Variants in RALYL observed in about 807,000 individuals in gnomAD.
RALYL encodes the protein RNA-binding Raly-like protein.
A neutral mutation model predicts 35.1 loss-of-function variants in RALYL; 29 were observed. That is an observed-to-expected ratio of 0.83 (90% CI 0.61 to 1.13). The LOEUF (loss-of-function observed/expected upper bound fraction) is 1.13, where lower values mean the gene tolerates loss of function less well. RALYL is among the 50% of genes most tolerant of loss of function. The pLI is 0.00. For missense variants in RALYL, 359 were observed against 360.4 expected, an observed-to-expected ratio of 1.00 and a Z score of 0.03; for synonymous variants, 120 against 127.6, an observed-to-expected ratio of 0.94 and a Z score of 0.40.
intron 3 of RALYL, among the ~76,000 whole-genome samples, chr8:84,779,187 C>T (rs1240000521): frequency 1.3e-5 from 2 of 152,168 alleles, no homozygotes. Flanking sequence ...ATATCTGTGG[C>T]ACTCTAAAAT....
At position 84,911,078 on chromosome 8, in the gene RALYL, A is replaced by T. The variant is rs1268535159; in HGVS notation, c.859-9816A>T. Among the ~76,000 whole-genome samples, 3 of 152,180 alleles carry T rather than the reference A, an allele frequency of 2.0e-5. No homozygotes were observed. The East Asian group carries it at 5.8e-4, about 29-fold the overall frequency. On this transcript the variant is annotated intron_variant, in intron 8 of 8. Coordinates refer to ENST00000521268, the MANE Select transcript of RALYL (RefSeq NM_173848.7). ...TATATTAGATTGAAAAATTTAGCCA[A>T]AAAGAATGACGTGAGCAAGATGGCA...
chr8:84,462,910 T>G (rs982157225), intron 1 of RALYL, among the ~76,000 whole-genome samples: 1 of 151,900 alleles, frequency 6.6e-6, no homozygotes, highest in Non-Finnish European at 1.5e-5. Flanking sequence ...AACCCACCTT[T>G]GTTTTGTATA....
intron 2 of RALYL, among the ~76,000 whole-genome samples, chr8:84,689,426 C>A (rs966318421): frequency 3.3e-5 from 5 of 152,208 alleles, no homozygotes; most frequent in African/African-American, 1.2e-4. Context: ...TTTATGGCTG[C>A]ATAGTATTCC....
intron 2 of RALYL, among the ~76,000 whole-genome samples, chr8:84,653,966 G>A (rs559786851): frequency 2.5e-4 from 38 of 150,556 alleles, no homozygotes; most frequent in African/African-American, 8.0e-4. Context: ...TCTGTCTGCC[G>A]CTCTGAAAGG....
intron 1 of RALYL, among the ~76,000 whole-genome samples, chr8:84,338,420 A>G (rs541637529): frequency 6.3e-4 from 95 of 151,900 alleles, no homozygotes; most frequent in African/African-American, 2.1e-3. Context: ...CAGGAAGTAT[A>G]TTTTAACAAA....
At chr8:84,234,627 C>T (rs746774059) in intron 1 of RALYL, among the ~76,000 whole-genome samples, 32 of 152,144 alleles carry the variant, frequency 2.1e-4, no homozygotes, top group Admixed American at 1.3e-4. Flanking sequence ...AGCTATTTTC[C>T]TTCATCGGAA....
chr8:84,529,251 G>T, intron 1 of RALYL, 48 bp from the exon 2 acceptor site: 1 of 1,538,772 alleles, frequency 6.5e-7, no homozygotes, highest in Non-Finnish European at 8.8e-7. Context: ...TCGATCTAAT[G>T]ATTTACCTTT....
At chr8:84,538,532 G>A (rs711057) in intron 2 of RALYL, among the ~76,000 whole-genome samples, 138,328 of 152,110 alleles carry the variant, frequency 0.91, 62,959 homozygotes, top group East Asian at 1. Flanking sequence ...CAACATATAT[G>A]TTAAATTCTA....
chr8:84,768,820 A>C (rs1232294066), intron 2 of RALYL, among the ~76,000 whole-genome samples: 5 of 152,368 alleles, frequency 3.3e-5, no homozygotes, highest in Non-Finnish European at 7.3e-5. Context: ...ATTGTATATA[A>C]GTGGCAAAGT....
chr8:84,446,190 C>T (rs2048833319), intron 1 of RALYL, among the ~76,000 whole-genome samples: 1 of 151,926 alleles, frequency 6.6e-6, no homozygotes, highest in African/African-American at 2.4e-5. Context: ...CTGTTTTTCT[C>T]TGCAAACTAT....
chr8:84,399,550 T>C lies in RALYL; in HGVS notation c.-23-129749T>C, dbSNP rs570002329. Reference sequence around the variant, plus strand: ...CAACCAATAATTTATTTGTGGGCTATATTCAGGTTTCAGCCCTCTGGTTTT... The same window carrying C: ...CAACCAATAATTTATTTGTGGGCTACATTCAGGTTTCAGCCCTCTGGTTTT... On this transcript the variant is annotated intron_variant, in intron 1 of 8. Coordinates refer to ENST00000521268, the MANE Select transcript of RALYL (RefSeq NM_173848.7). Among the ~76,000 whole-genome samples, 3 of 152,242 alleles carry C rather than the reference T, an allele frequency of 2.0e-5. No individual in the cohort carries two copies. In the South Asian group the frequency reaches 6.2e-4, roughly 32 times the overall value.
intron 1 of RALYL, among the ~76,000 whole-genome samples, chr8:84,337,530 A>C (rs1292741932): frequency 6.6e-6 from 1 of 152,136 alleles, no homozygotes; most frequent in African/African-American, 2.4e-5. Flanking sequence ...GGCTACAGTA[A>C]GACTGAAGTT....
At chr8:84,609,996 C>T (rs766613421) in intron 2 of RALYL, among the ~76,000 whole-genome samples, 4 of 152,064 alleles carry the variant, frequency 2.6e-5, no homozygotes, top group Non-Finnish European at 5.9e-5. Flanking sequence ...ATGAGAACAA[C>T]ATACGAAAGA....
chr8:84,322,934 G>C (rs74406297), intron 1 of RALYL, among the ~76,000 whole-genome samples: 2,762 of 152,016 alleles, frequency 0.018, 37 homozygotes, highest in South Asian at 0.03. Context: ...AAAGACTATT[G>C]GTGACTTTGC....
At chr8:84,347,283 CT>C (rs1164812068) in intron 1 of RALYL, among the ~76,000 whole-genome samples, 1 of 151,950 alleles carries the variant, frequency 6.6e-6, no homozygotes, top group Non-Finnish European at 1.5e-5. Context: ...ATAATAAGCC[CT>C]TGACTTCTTT....
chr8:84,596,764 G>C (rs1814639285), intron 2 of RALYL, among the ~76,000 whole-genome samples: 1 of 152,164 alleles, frequency 6.6e-6, no homozygotes, highest in African/African-American at 2.4e-5. Flanking sequence ...TAGGTGACTA[G>C]AGAGGTAGCA....
chr8:84,317,528 C>G (rs1195902569), intron 1 of RALYL, among the ~76,000 whole-genome samples: 1 of 152,220 alleles, frequency 6.6e-6, no homozygotes, highest in Admixed American at 6.5e-5. Flanking sequence ...TTTCAGGAAC[C>G]CTTAAACAGA....
At chr8:84,793,852 C>G (rs182070736) in intron 3 of RALYL, among the ~76,000 whole-genome samples, 1 of 152,242 alleles carries the variant, frequency 6.6e-6, no homozygotes, top group East Asian at 1.9e-4. Flanking sequence ...AACAAAAACT[C>G]AGACAAGAAA....
intron 2 of RALYL, among the ~76,000 whole-genome samples, chr8:84,605,567 C>T (rs908768628): frequency 1.3e-5 from 2 of 152,082 alleles, no homozygotes; most frequent in Non-Finnish European, 2.9e-5. Context: ...CAACCCTGTT[C>T]AGTTTTCTAG....
Sources: allele counts gnomAD v4.1 joint callset (sites outside exome capture counted in the v4.1 genomes callset), GRCh38; gene constraint gnomAD v4.1.1; transcripts MANE v1.5; gene names NCBI Gene and HGNC (gene_info 2026-07-23, HGNC 2026-07-21).